Variants in PRKCA observed in about 807,000 individuals in gnomAD.
PRKCA encodes the protein protein kinase C alpha type.
PRKCA carries 27 observed loss-of-function variants against 87.0 expected under a neutral mutation model. The ratio of observed to expected loss-of-function variants is 0.31; its 90% CI spans 0.23 to 0.43. The LOEUF (loss-of-function observed/expected upper bound fraction) is 0.43, where lower values mean the gene tolerates loss of function less well. Among genes scored for constraint, PRKCA ranks in the 20% least tolerant of loss-of-function variants. The pLI, the probability that PRKCA is intolerant of heterozygous loss-of-function variation, is 1.00. For synonymous variants in PRKCA, 329 were observed against 311.1 expected (o/e 1.06, Z -0.61); for missense variants, 518 against 852.3 (o/e 0.61, Z 4.88).
rs1567857178 is a variant in PRKCA at position 66,493,306 on chromosome 17, TGTG to T, written c.206-2894_206-2892del. ...GTCTATGTAGGTATATTTGTGTGTG[TGTG>T]TGTGTGTGTGTGTGTGTATGTCTAT... On this transcript the variant is annotated intron_variant, in intron 2 of 16. Coordinates refer to ENST00000413366, the MANE Select transcript of PRKCA (RefSeq NM_002737.3). 3.3e-5 allele frequency among the ~76,000 whole-genome samples: 5 copies of T among 151,596 alleles called. 1 individual carries two copies. Among genetic ancestry groups the T allele is most frequent in the Non-Finnish European group, 7.4e-5 (5 of 67,918 alleles).
chr17:66,719,853 G>C (rs944717808), intron 8 of PRKCA, among the ~76,000 whole-genome samples: 6 of 152,172 alleles, frequency 3.9e-5, no homozygotes, highest in African/African-American at 1.4e-4. Flanking sequence ...TTTCTAAAAT[G>C]AGCAGGTATA....
intron 13 of PRKCA, among the ~76,000 whole-genome samples, chr17:66,755,997 G>T (rs1017155154): frequency 9.2e-5 from 14 of 152,152 alleles, no homozygotes; most frequent in African/African-American, 3.4e-4. Flanking sequence ...TACTAGTGCT[G>T]GGGTGCAAAA....
intron 2 of PRKCA, among the ~76,000 whole-genome samples, chr17:66,382,279 G>C (rs1016020986): frequency 6.6e-6 from 1 of 152,132 alleles, no homozygotes; most frequent in South Asian, 2.1e-4. Context: ...TGAGTAAAGA[G>C]ATAGTCATTA....
chr17:66,573,152 A>G (rs1969128159), intron 3 of PRKCA, among the ~76,000 whole-genome samples: 1 of 152,222 alleles, frequency 6.6e-6, no homozygotes, highest in Non-Finnish European at 1.5e-5. Flanking sequence ...GGAAATAAGA[A>G]AATTATAGAC....
At chr17:66,580,933 C>G (rs904264372) in intron 3 of PRKCA, among the ~76,000 whole-genome samples, 3 of 151,770 alleles carry the variant, frequency 2.0e-5, no homozygotes, top group Non-Finnish European at 2.9e-5. Flanking sequence ...TTTGTTGCCC[C>G]CCCCCATGCT....
chr17:66,607,821 T>C (rs1018461170), intron 3 of PRKCA, among the ~76,000 whole-genome samples: 4 of 152,218 alleles, frequency 2.6e-5, no homozygotes, highest in Non-Finnish European at 5.9e-5. Context: ...TCTGGATGTA[T>C]GTTTAATTCA....
At chr17:66,363,433 A>T (rs1908513774) in intron 2 of PRKCA, among the ~76,000 whole-genome samples, 1 of 152,206 alleles carries the variant, frequency 6.6e-6, no homozygotes, top group South Asian at 2.1e-4. Flanking sequence ...GCTGTCCTTT[A>T]TCCTCGGTAA....
intron 2 of PRKCA, among the ~76,000 whole-genome samples, chr17:66,404,649 A>G (rs1911239305): frequency 6.7e-6 from 1 of 148,272 alleles, no homozygotes; most frequent in Admixed American, 6.8e-5. Context: ...CAAGGCAAGC[A>G]CCAAACTTGT....
chr17:66,596,022 G>A (rs1969964755), intron 3 of PRKCA, among the ~76,000 whole-genome samples: 1 of 152,170 alleles, frequency 6.6e-6, no homozygotes, highest in Admixed American at 6.5e-5. Flanking sequence ...TGGGTGGTGG[G>A]TCGCCTCAGG....
intron 3 of PRKCA, among the ~76,000 whole-genome samples, chr17:66,534,989 T>A (rs146765481): frequency 6.6e-6 from 1 of 152,320 alleles, no homozygotes; most frequent in African/African-American, 2.4e-5. Flanking sequence ...CCACCGTAAG[T>A]AATAATAGTA....
intron 2 of PRKCA, among the ~76,000 whole-genome samples, chr17:66,312,263 T>C (rs1175724844): frequency 6.6e-6 from 1 of 152,248 alleles, no homozygotes; most frequent in East Asian, 1.9e-4. Context: ...ATTACAGGCG[T>C]GGGCCACTGC....
chr17:66,451,343 A>AATTAATTTATTTATTT lies in PRKCA; in HGVS notation c.206-44855_206-44854insAATTTATTTATTTATT, dbSNP rs146230545. On this transcript the variant is annotated intron_variant, in intron 2 of 16. Coordinates refer to ENST00000413366, the MANE Select transcript of PRKCA (RefSeq NM_002737.3). The stretch of plus-strand genomic sequence containing the variant: ...CAAAACTTTTAGAATACGGAGTTAG[A>AATTAATTTATTTATTT]ATTTATTTATTTATTTATTTATTTA... 1.9e-4 allele frequency among the ~76,000 whole-genome samples: 27 copies of AATTAATTTATTTATTT among 144,958 alleles called. No individual in the cohort carries two copies. The South Asian group carries it at 2.7e-3, about 14-fold the overall frequency.
chr17:66,620,256 G>A (rs1217568164), intron 3 of PRKCA, among the ~76,000 whole-genome samples: 2 of 152,170 alleles, frequency 1.3e-5, no homozygotes, highest in Non-Finnish European at 2.9e-5. Flanking sequence ...TTTAGCTGGT[G>A]CCTATTTTCC....
At chr17:66,686,609 A>G (rs1972634179) in intron 5 of PRKCA, among the ~76,000 whole-genome samples, 1 of 152,104 alleles carries the variant, frequency 6.6e-6, no homozygotes. Flanking sequence ...TGTGATTCCA[A>G]TGTACAGTCA....
At position 66,805,764 on chromosome 17, in the gene PRKCA, T is replaced by C. The variant is rs1976018783; in HGVS notation, c.*1727T>C. 6.6e-6 allele frequency: 1 copy of C among 151,918 alleles called. No individual in the cohort carries two copies. Among genetic ancestry groups the C allele is most frequent in the Non-Finnish European group, 1.5e-5 (1 of 67,970 alleles). 9.4% of individuals were successfully genotyped at this position (151,918 alleles called of 1,614,324 possible). A position where few individuals can be genotyped will look rare whatever the true frequency, so the allele number is the denominator to read the frequency against. Reference sequence around the variant, plus strand: ...CTAGTACGTTGGTACACACGTGGCATTGCCGCAGCACCTGGGCTGACCTTT... The same window carrying C: ...CTAGTACGTTGGTACACACGTGGCACTGCCGCAGCACCTGGGCTGACCTTT... On this transcript the variant is annotated 3_prime_UTR_variant, in exon 17 of 17. Coordinates refer to ENST00000413366, the MANE Select transcript of PRKCA (RefSeq NM_002737.3).
Position 66,389,995 on chromosome 17 carries a change from G to A in PRKCA, c.205+83868G>A, listed in dbSNP as rs148266889. Among the ~76,000 whole-genome samples, 578 of 152,342 alleles carry A rather than the reference G, an allele frequency of 3.8e-3. 4 individuals are homozygous for A. Among genetic ancestry groups the A allele is most frequent in the Non-Finnish European group, 7.0e-3 (477 of 68,028 alleles). On this transcript the variant is annotated intron_variant, in intron 2 of 16. Coordinates refer to ENST00000413366, the MANE Select transcript of PRKCA (RefSeq NM_002737.3). ...TCCCAGCACTTTGGGAGGCCAAGGC[G>A]GGTGGATCACCTGAGGTTGGGAGTT...
chr17:66,624,787 CAAATAAATAAAT>C (rs3064605), intron 3 of PRKCA, among the ~76,000 whole-genome samples: 8,235 of 143,674 alleles, frequency 0.057, 368 homozygotes, highest in East Asian at 0.14. Flanking sequence ...GACTCCATCT[CAAATAAATAAAT>C]AAATAAATAA....
At chr17:66,771,579 T>C (rs1974933816) in intron 13 of PRKCA, among the ~76,000 whole-genome samples, 1 of 152,154 alleles carries the variant, frequency 6.6e-6, no homozygotes, top group Admixed American at 6.6e-5. Context: ...ATAAACAATT[T>C]TACTTCCTTA....
At chr17:66,413,954 A>C (rs1911968574) in intron 2 of PRKCA, among the ~76,000 whole-genome samples, 1 of 151,536 alleles carries the variant, frequency 6.6e-6, no homozygotes. Flanking sequence ...CAGAGGTTGC[A>C]GTGAGCCAGG....
Sources: gnomAD v4.1 joint callset for allele counts (sites outside exome capture counted in the v4.1 genomes callset) on GRCh38, gnomAD v4.1.1 for gene constraint, MANE v1.5 for transcripts, NCBI Gene and HGNC (gene_info 2026-07-23, HGNC 2026-07-21) for gene names.